The following UPF1 variants were observed in gnomAD, a reference collection of about 807,000 sequenced individuals.
UPF1 encodes the protein regulator of nonsense transcripts 1.
In UPF1, 9 loss-of-function variants were observed where a neutral mutation model predicts 129.2. The observed-to-expected ratio is 0.07, with a 90% CI of 0.04 to 0.12. UPF1 has a LOEUF of 0.12. UPF1 is among the 10% of genes least tolerant of loss of function. The pLI is 1.00. For missense variants in UPF1, 788 were observed against 1,525.3 expected (o/e 0.52, Z 8.05); for synonymous variants, 649 against 644.9 (o/e 1.01, Z -0.10).
intron 1 of UPF1, among the ~76,000 whole-genome samples, chr19:18,842,672 CT>C (rs1415560279): frequency 4.6e-5 from 7 of 151,872 alleles, no homozygotes; most frequent in Admixed American, 3.3e-4. Flanking sequence ...ATTCCCTCCC[CT>C]TTTTTTCCTT....
At chr19:18,863,220 T>A (rs1378763993) in intron 18 of UPF1, 30 of 543,044 alleles carry the variant, frequency 5.5e-5, no homozygotes, top group Middle Eastern at 1.0e-3. Flanking sequence ...GCCATGGGGC[T>A]GCTTAGAGTC....
chr19:18,841,762 A>C (rs1601098532), intron 1 of UPF1, among the ~76,000 whole-genome samples: 1 of 152,020 alleles, frequency 6.6e-6, no homozygotes, highest in Admixed American at 6.6e-5. Context: ...GGGCGGCCTG[A>C]GGTGAGCTGG....
At chr19:18,861,968 G>C in intron 17 of UPF1, 42 bp from the exon 18 acceptor site, 1 of 1,607,198 alleles carries the variant, frequency 6.2e-7, no homozygotes, top group South Asian at 1.1e-5. Flanking sequence ...GGACTGGGAA[G>C]GCAGCCTGCT....
In UPF1 at chr19:18,849,796, T is replaced by C. The variant is rs1421899938; in HGVS notation, c.462-279T>C. 1.4e-5 allele frequency: 6 copies of C among 427,118 alleles called. No individual in the cohort carries two copies. The East Asian group carries it at 3.2e-4, about 23-fold the overall frequency. The allele number at this position is 427,118 out of a possible 1,614,324, so 26.5% of individuals were successfully genotyped here. A position where few individuals can be genotyped will look rare whatever the true frequency, so the allele number is the denominator to read the frequency against. On this transcript the variant is annotated intron_variant, in intron 3 of 23. Coordinates refer to ENST00000262803, the MANE Select transcript of UPF1 (RefSeq NM_002911.4). ...AATGGGTTAAATTAGGCCTGATAAG[T>C]TGGATTTAAGAAAGCAGGATTTTTA...
At position 18,855,213 on chromosome 19, in the gene UPF1, C is replaced by T. The variant is rs879102666; in HGVS notation, c.1515C>T (p.Ile505=). Residue 505 remains isoleucine (I), a synonymous_variant, in exon 11 of 24, where the codon ATC becomes ATT. Transcript: ENST00000262803. The part of the protein sequence containing the change: ...GTGKTVTSAT[I]VYHLARQGNG... ...GGAAGACGGTGACGTCGGCCACCAT[C>T]GTCTACCACCTGGCCCGGCAAGGCA... The T allele has an allele frequency of 3.1e-6, 5 of 1,612,492 alleles. No individual in the cohort carries two copies. Among genetic ancestry groups the T allele is most frequent in the East Asian group, 2.2e-5 (1 of 44,896 alleles).
chr19:18,848,435 G>T, intron 3 of UPF1: 1 of 154,350 alleles, frequency 6.5e-6, no homozygotes, highest in Non-Finnish European at 1.4e-5. Flanking sequence ...TCTCGTCCTG[G>T]TGGGTCCCGT....
At chr19:18,862,215 T>G in intron 18 of UPF1, 63 bp downstream of exon 18, 1 of 1,590,454 alleles carries the variant, frequency 6.3e-7, no homozygotes, top group South Asian at 1.1e-5. Context: ...CCAGGGAATT[T>G]GGGGCTAGGG....
At position 18,831,984 on chromosome 19, in the gene UPF1, C is replaced by T. The variant is rs1443874176; in HGVS notation, c.-226C>T. 6.9e-6 allele frequency: 2 copies of T among 291,202 alleles called. No homozygotes were observed. The highest frequency in any genetic ancestry group is 2.2e-5 in the African/African-American group (1 of 44,850). The allele number at this position is 291,202 out of a possible 1,614,324, so 18.0% of individuals were successfully genotyped here. A position where few individuals can be genotyped will look rare whatever the true frequency, so the allele number is the denominator to read the frequency against. On this transcript the variant is annotated 5_prime_UTR_variant, in exon 1 of 24. Transcript: ENST00000262803. ...AGTTCCTGCTCTAGGCTGCGAGCGG[C>T]TGGCGGCTTCGAGGGGAGCTGAGGC...
chr19:18,847,593 T>C lies in UPF1; in HGVS notation c.372-151T>C. ...TTGGATTTGAGAAGCCCTGGTTAAC[T>C]GGTTTGATTTGGTTACTGGGATTGT... On this transcript the variant is annotated intron_variant, in intron 2 of 23. Coordinates refer to ENST00000262803, the MANE Select transcript of UPF1 (RefSeq NM_002911.4). 2 of 693,716 alleles carry C rather than the reference T, an allele frequency of 2.9e-6. 1 individual carries two copies. The highest frequency in any genetic ancestry group is 3.5e-5 in the South Asian group (2 of 56,492). The allele number at this position is 693,716 out of a possible 1,614,324, so 43.0% of individuals were successfully genotyped here.
At chr19:18,848,069 TCTC>T (rs2055619198) in intron 3 of UPF1, 2 of 459,178 alleles carry the variant, frequency 4.4e-6, no homozygotes, top group South Asian at 5.5e-5. Context: ...TTGGCTTAAT[TCTC>T]CTTCCCAGTT....
In UPF1 at chr19:18,850,676, C is replaced by T. The variant is rs747519546; in HGVS notation, c.630-12C>T. 6.4e-7 allele frequency: 1 copy of T among 1,561,578 alleles called. No individual in the cohort carries two copies. Among genetic ancestry groups the T allele is most frequent in the South Asian group, 1.2e-5 (1 of 85,470 alleles). ...CGGGAGCTGGTCCTCACGGCCCCCT[C>T]CCGCTCTGCAGGCAGCCCTGTGCCA... On this transcript the variant is annotated splice_polypyrimidine_tract_variant and intron_variant, in intron 4 of 23. Transcript: ENST00000262803. The surrounding 1 kb of genome is among the most constrained non-coding windows in gnomAD (Gnocchi z 7.1).
In UPF1 at chr19:18,855,522, G is replaced by C. The variant is rs144248646; in HGVS notation, c.1544+280G>C. On this transcript the variant is annotated intron_variant, in intron 11 of 23. Transcript: ENST00000262803. ...TTCCGTGTGCGGCACTTTATAGTGT[G>C]GCGGGATGGTGCAAGTTCCAGCCTT... is the stretch of plus-strand genomic sequence containing the variant. 1,910 of 549,362 alleles carry C rather than the reference G, an allele frequency of 3.5e-3. 22 individuals are homozygous for C. The highest frequency in any genetic ancestry group is 0.032 in the African/African-American group (1,692 of 52,974). The allele number at this position is 549,362 out of a possible 1,614,324, so 34.0% of individuals were successfully genotyped here.
In UPF1 at chr19:18,851,414, G is replaced by T. The variant is rs777174760; in HGVS notation, c.810+546G>T. On this transcript the variant is annotated intron_variant, in intron 5 of 23. Coordinates refer to ENST00000262803, the MANE Select transcript of UPF1 (RefSeq NM_002911.4). This position sits in a 1 kb window ranked among gnomAD's most constrained non-coding sequence, Gnocchi z 4.2. The stretch of plus-strand genomic sequence containing the variant: ...GTGATAAAGTAGTTCTAATAACTAG[G>T]CTAGAAGTTTTCATTTGCCTCCCAT... 2.0e-5 allele frequency among the ~76,000 whole-genome samples: 3 copies of T among 152,208 alleles called. No homozygotes were observed. The highest frequency in any genetic ancestry group is 4.8e-5 in the African/African-American group (2 of 41,456).
chr19:18,849,834 A>C, intron 3 of UPF1: 1 of 533,008 alleles, frequency 1.9e-6, no homozygotes, highest in East Asian at 3.5e-5. Flanking sequence ...AAAGGCAGGA[A>C]CTATGTGAAC....
intron 3 of UPF1, 166 bp from the exon 4 acceptor site, chr19:18,849,909 C>A: frequency 1.3e-6 from 1 of 759,002 alleles, no homozygotes. Context: ...CAGTGGGGAG[C>A]TAGTTTGGGG....
chr19:18,848,316 C>T lies in UPF1; in HGVS notation c.461+483C>T, dbSNP rs188264833. The T allele has an allele frequency of 3.0e-4, 49 of 165,146 alleles. No homozygotes were observed. In the East Asian group the frequency reaches 7.7e-3, roughly 26 times the overall value. The allele number at this position is 165,146 out of a possible 1,614,324, so 10.2% of individuals were successfully genotyped here. On this transcript the variant is annotated intron_variant, in intron 3 of 23. Transcript: ENST00000262803. The stretch of plus-strand genomic sequence containing the variant: ...CTGGGCTTGCCTTCCTGATGTTGAT[C>T]AGCTGCAGCTGGACTGTGTCGCTTG...
chr19:18,839,564 C>T lies in UPF1; in HGVS notation c.232-6416C>T, dbSNP rs529004031. On this transcript the variant is annotated intron_variant, in intron 1 of 23. Transcript: ENST00000262803. ...AGGTCACCCGTTAGGGAGGTGTGTC[C>T]ACCGCCTCAGACTGAGCCCTGCCCT... is the stretch of plus-strand genomic sequence containing the variant. Among the ~76,000 whole-genome samples the T allele has an allele frequency of 2.6e-5, 4 of 152,326 alleles. No individual in the cohort carries two copies. The South Asian group carries it at 8.3e-4, about 32-fold the overall frequency.
At chr19:18,849,537 C>G (rs760034660) in intron 3 of UPF1, 2 of 168,238 alleles carry the variant, frequency 1.2e-5, no homozygotes, top group Non-Finnish European at 2.6e-5. Flanking sequence ...GAACCGCCCC[C>G]GCCTCTGCTC....
intron 14 of UPF1, 99 bp from the exon 15 acceptor site, chr19:18,857,221 G>A: frequency 6.8e-7 from 1 of 1,476,272 alleles, no homozygotes; most frequent in South Asian, 1.3e-5. Flanking sequence ...TGGCCAGGTG[G>A]TGTCCTGTGC....
Sources: allele counts gnomAD v4.1 joint callset (sites outside exome capture counted in the v4.1 genomes callset), GRCh38; gene constraint gnomAD v4.1.1; non-coding constraint Gnocchi (gnomAD v3.1); transcripts MANE v1.5; gene names NCBI Gene and HGNC (gene_info 2026-07-23, HGNC 2026-07-21).